The following FCHSD2 variants were observed in gnomAD, a reference collection of about 807,000 sequenced individuals.
FCHSD2 encodes FCH and double SH3 domains 2, also known as F-BAR and double SH3 domains protein 2.
In FCHSD2, 38 loss-of-function variants were observed where a neutral mutation model predicts 108.1. The observed-to-expected ratio is 0.35, with a 90% CI of 0.27 to 0.46. The LOEUF (loss-of-function observed/expected upper bound fraction) is 0.46, where lower values mean the gene tolerates loss of function less well. Among genes scored for constraint, FCHSD2 ranks in the 20% least tolerant of loss-of-function variants. FCHSD2 has a pLI of 1.00. For missense variants in FCHSD2, 751 were observed against 897.8 expected (o/e 0.84, Z 2.09); for synonymous variants, 279 against 314.7 (o/e 0.89, Z 1.20).
intron 3 of FCHSD2, among the ~76,000 whole-genome samples, chr11:73,034,016 T>C (rs1359977320): frequency 1.3e-5 from 2 of 152,218 alleles, no homozygotes; most frequent in Admixed American, 6.5e-5. Context: ...TTAATACCGA[T>C]AGCAAATATA....
chr11:72,947,978 G>A (rs1856549873), intron 8 of FCHSD2, among the ~76,000 whole-genome samples: 1 of 151,970 alleles, frequency 6.6e-6, no homozygotes, highest in African/African-American at 2.4e-5. Flanking sequence ...TTATGACATC[G>A]TTTGGGTATC....
chr11:73,048,568 A>C (rs934724383), intron 3 of FCHSD2, among the ~76,000 whole-genome samples: 1 of 152,196 alleles, frequency 6.6e-6, no homozygotes. Flanking sequence ...TATCCTTCAC[A>C]TATCTTTCAT....
chr11:72,841,027 G>T, intron 18 of FCHSD2, 68 bp from the exon 19 acceptor site: 3 of 1,203,222 alleles, frequency 2.5e-6, no homozygotes, highest in Non-Finnish European at 2.4e-6. Context: ...TGCAAGGCTG[G>T]CATGGTGGCT....
intron 3 of FCHSD2, among the ~76,000 whole-genome samples, chr11:73,035,598 T>G (rs1858473245): frequency 6.6e-6 from 1 of 152,196 alleles, no homozygotes; most frequent in African/African-American, 2.4e-5. Context: ...ATACATTAAG[T>G]GCTTAATACC....
chr11:72,994,419 T>C (rs1186603853), intron 5 of FCHSD2, among the ~76,000 whole-genome samples: 1 of 152,118 alleles, frequency 6.6e-6, no homozygotes, highest in East Asian at 1.9e-4. Flanking sequence ...GCAGTAGTAG[T>C]AGTAGCAGTG....
chr11:73,126,561 T>C (rs1297828076), intron 2 of FCHSD2, among the ~76,000 whole-genome samples: 3 of 152,026 alleles, frequency 2.0e-5, no homozygotes, highest in Admixed American at 6.5e-5. Context: ...AAAAACTAAT[T>C]AAAAGCCAAA....
intron 2 of FCHSD2, among the ~76,000 whole-genome samples, chr11:73,112,607 T>C (rs1166584926): frequency 6.6e-6 from 1 of 152,194 alleles, no homozygotes; most frequent in Non-Finnish European, 1.5e-5. Flanking sequence ...CTGCCTCCTC[T>C]TTAAGGTCAA....
intron 9 of FCHSD2, among the ~76,000 whole-genome samples, chr11:72,918,916 A>G (rs1057450825): frequency 2.6e-5 from 4 of 152,170 alleles, no homozygotes; most frequent in African/African-American, 7.2e-5. Context: ...CTTCAGTTAC[A>G]TATACAAAGC....
intron 2 of FCHSD2, among the ~76,000 whole-genome samples, chr11:73,126,963 G>A (rs376782235): frequency 3.3e-5 from 5 of 152,284 alleles, no homozygotes; most frequent in East Asian, 1.9e-4. Context: ...GCTGGAACAC[G>A]GGAGGCAGAG....
intron 2 of FCHSD2, among the ~76,000 whole-genome samples, chr11:73,104,600 G>A (rs111327773): frequency 0.023 from 3,401 of 150,620 alleles, 130 homozygotes; most frequent in African/African-American, 0.076. Context: ...ACAGACTCTC[G>A]CTCTGTCACC....
chr11:73,026,510 C>T (rs568272351), intron 3 of FCHSD2, among the ~76,000 whole-genome samples: 3 of 151,790 alleles, frequency 2.0e-5, no homozygotes, highest in South Asian at 4.2e-4. Flanking sequence ...TAAAAGAAAC[C>T]GAGTATAAAA....
intron 2 of FCHSD2, among the ~76,000 whole-genome samples, chr11:73,122,526 T>C (rs966825361): frequency 6.6e-6 from 1 of 152,222 alleles, no homozygotes; most frequent in Non-Finnish European, 1.5e-5. Context: ...TTGTAAGAAA[T>C]GGCCTGAAGT....
intron 3 of FCHSD2, among the ~76,000 whole-genome samples, chr11:73,017,648 T>C (rs1447873301): frequency 6.6e-6 from 1 of 152,220 alleles, no homozygotes; most frequent in Non-Finnish European, 1.5e-5. Flanking sequence ...ACATATCTTG[T>C]ACTTTGGGAG....
intron 8 of FCHSD2, among the ~76,000 whole-genome samples, chr11:72,972,480 G>A (rs1163608603): frequency 6.6e-6 from 1 of 152,074 alleles, no homozygotes; most frequent in Non-Finnish European, 1.5e-5. Flanking sequence ...TATAGGGAGT[G>A]GGGAAAACAC....
At chr11:72,985,604 C>A (rs898384) in intron 6 of FCHSD2, among the ~76,000 whole-genome samples, 4 of 152,096 alleles carry the variant, frequency 2.6e-5, no homozygotes, top group African/African-American at 9.7e-5. Flanking sequence ...ATTATTTCCA[C>A]CATTAAAAGT....
intron 12 of FCHSD2, 68 bp downstream of exon 12, chr11:72,887,402 G>C (rs1166309271): frequency 1.7e-5 from 16 of 944,998 alleles, no homozygotes; most frequent in Non-Finnish European, 2.0e-5. Context: ...CAGTTTTAAA[G>C]ATGTATATCA....
At chr11:73,113,353 CTTTTTTTTTTTTTTTTTT>C (rs35979371) in intron 2 of FCHSD2, among the ~76,000 whole-genome samples, 1 of 29,892 alleles carries the variant, frequency 3.3e-5, no homozygotes, top group Admixed American at 5.3e-4. Context: ...CCAAGATGGT[CTTTTTTTTTTTTTTTTTT>C]TTTTTTTTTT....
intron 17 of FCHSD2, among the ~76,000 whole-genome samples, chr11:72,842,343 C>T (rs1408923739): frequency 6.6e-6 from 1 of 152,224 alleles, no homozygotes; most frequent in South Asian, 2.1e-4. Flanking sequence ...TCCACCAAAA[C>T]GATCTTTGGT....
chr11:73,113,618 G>A (rs769174229), intron 2 of FCHSD2, among the ~76,000 whole-genome samples: 47 of 152,092 alleles, frequency 3.1e-4, no homozygotes, highest in Admixed American at 3.1e-3. Context: ...TCGGTGTCCA[G>A]GCATTGAAGA....
Sources: gnomAD v4.1 joint callset for allele counts (sites outside exome capture counted in the v4.1 genomes callset) on GRCh38, gnomAD v4.1.1 for gene constraint, MANE v1.5 for transcripts, NCBI Gene and HGNC (gene_info 2026-07-23, HGNC 2026-07-21) for gene names.